LMBR1: variants seen among roughly 807,000 people sequenced by gnomAD.
LMBR1 encodes limb development membrane protein 1.
A neutral mutation model predicts 73.9 loss-of-function variants in LMBR1; 52 were observed. The observed-to-expected ratio is 0.70, with a 90% CI of 0.56 to 0.89. The LOEUF is 0.89. Among genes scored for constraint, LMBR1 ranks in the 40% least tolerant of loss-of-function variants. The pLI, the probability that LMBR1 is intolerant of heterozygous loss-of-function variation, is 0.00. For missense variants in LMBR1, 539 were observed against 579.8 expected, an observed-to-expected ratio of 0.93 and a Z score of 0.72; for synonymous variants, 215 against 209.4, an observed-to-expected ratio of 1.03 and a Z score of -0.23.
At chr7:156,810,904 G>A (rs538157692) in intron 4 of LMBR1, among the ~76,000 whole-genome samples, 6 of 149,452 alleles carry the variant, frequency 4.0e-5, no homozygotes, top group South Asian at 2.1e-4. Flanking sequence ...CACCTCTCCC[G>A]GGTTCAAGCG....
chr7:156,700,264 C>A (rs1002441708), intron 15 of LMBR1, among the ~76,000 whole-genome samples: 1 of 152,060 alleles, frequency 6.6e-6, no homozygotes, highest in Non-Finnish European at 1.5e-5. Context: ...AAACTGGAAA[C>A]CATCATTCTC....
At chr7:156,724,239 A>G (rs1311086080) in intron 14 of LMBR1, 61 bp from the exon 15 acceptor site, 12 of 1,266,146 alleles carry the variant, frequency 9.5e-6, no homozygotes, top group African/African-American at 1.5e-5. Flanking sequence ...AATCAAACCC[A>G]GTAACATTCT....
intron 1 of LMBR1, among the ~76,000 whole-genome samples, chr7:156,879,375 G>A (rs1800694409): frequency 1.3e-5 from 2 of 152,068 alleles, no homozygotes; most frequent in Admixed American, 6.5e-5. Flanking sequence ...TCAAAAAGTG[G>A]GCTAACTGGC....
chr7:156,877,429 G>GA (rs1800342833), intron 1 of LMBR1, among the ~76,000 whole-genome samples: 1 of 152,186 alleles, frequency 6.6e-6, no homozygotes, highest in South Asian at 2.1e-4. Context: ...ACCAAACCAG[G>GA]AAAGGACATG....
intron 1 of LMBR1, among the ~76,000 whole-genome samples, chr7:156,859,658 A>T (rs944844925): frequency 1.3e-5 from 2 of 152,210 alleles, no homozygotes; most frequent in African/African-American, 4.8e-5. Flanking sequence ...AAAAATATCT[A>T]AATTAATGGA....
chr7:156,726,670 G>T (rs1815825429), intron 12 of LMBR1, among the ~76,000 whole-genome samples: 1 of 152,060 alleles, frequency 6.6e-6, no homozygotes, highest in African/African-American at 2.4e-5. Flanking sequence ...TTTTGAAGAA[G>T]AAATAAATGA....
intron 15 of LMBR1, among the ~76,000 whole-genome samples, chr7:156,697,901 G>C (rs1294413952): frequency 2.0e-5 from 3 of 152,152 alleles, no homozygotes; most frequent in Admixed American, 6.5e-5. Flanking sequence ...AATTATAAAA[G>C]TATTATTTGG....
chr7:156,834,326 C>G (rs1370643519), intron 2 of LMBR1, among the ~76,000 whole-genome samples: 1 of 152,050 alleles, frequency 6.6e-6, no homozygotes, highest in Admixed American at 6.5e-5. Flanking sequence ...ATTGGCTGGG[C>G]GCAATGGCTC....
chr7:156,675,173 G>A (rs528949652), downstream of LMBR1, among the ~76,000 whole-genome samples: 4 of 152,366 alleles, frequency 2.6e-5, no homozygotes, highest in Admixed American at 6.5e-5. Flanking sequence ...AGACAGTAAC[G>A]CCTGAGCGCT....
At chr7:156,724,830 T>C (rs1815372839) in intron 14 of LMBR1, among the ~76,000 whole-genome samples, 1 of 150,944 alleles carries the variant, frequency 6.6e-6, no homozygotes, top group African/African-American at 2.4e-5. Flanking sequence ...CCCCTTTAAG[T>C]AGGCTAAAAA....
rs1433841037 is a variant in LMBR1 at position 156,688,099 on chromosome 7, T to C, written c.1318A>G (p.Ile440Val). The change falls in exon 16 of 17, where the codon ATT (isoleucine) becomes GTT (valine). Residue 440 changes from isoleucine (I) to valine (V), a missense_variant. By Grantham distance (29) the Ile-to-Val change is conservative. This residue lies in a region of LMBR1 where 69 missense variants were observed against 68.5 expected (regional missense o/e 1.01). Transcript: ENST00000353442. ...IVLSYNLLFA[I>V]VTTLCLVRKF... Reference sequence around the variant, plus strand: ...CGGACCAGACACAATGTTGTCACAATAGCAAAAAGCAAATTGTAGGATAAT... The same window carrying C: ...CGGACCAGACACAATGTTGTCACAACAGCAAAAAGCAAATTGTAGGATAAT... The C allele has an allele frequency of 1.2e-6, 2 of 1,613,230 alleles. No homozygotes were observed. Among genetic ancestry groups the C allele is most frequent in the East Asian group, 2.2e-5 (1 of 44,822 alleles).
Position 156,681,063 on chromosome 7 carries a change from G to A in LMBR1, c.*3015C>T, listed in dbSNP as rs551554306. On this transcript the variant is annotated 3_prime_UTR_variant, in exon 17 of 17. Transcript: ENST00000353442. ...CCAGTTTTTTCAAGTTTAAAAAGTC[G>A]GTGCTGCATCTATGTTCACATTAAA... 3.1e-5 allele frequency: 12 copies of A among 388,976 alleles called. No homozygotes were observed. The East Asian group carries it at 4.3e-4, about 14-fold the overall frequency. The allele number at this position is 388,976 out of a possible 1,614,324, so 24.1% of individuals were successfully genotyped here.
At chr7:156,771,256 C>T (rs191147071) in intron 5 of LMBR1, among the ~76,000 whole-genome samples, 9 of 151,620 alleles carry the variant, frequency 5.9e-5, no homozygotes, top group South Asian at 2.1e-4. Context: ...AATAGAGACA[C>T]GAAAAACCAT....
At chr7:156,797,094 G>A (rs970150158) in intron 4 of LMBR1, among the ~76,000 whole-genome samples, 2 of 152,166 alleles carry the variant, frequency 1.3e-5, no homozygotes, top group African/African-American at 4.8e-5. Context: ...AAGTGGCAGA[G>A]CTGACTTAAT....
chr7:156,881,857 C>T (rs1340070441), intron 1 of LMBR1, among the ~76,000 whole-genome samples: 2 of 150,956 alleles, frequency 1.3e-5, no homozygotes, highest in Non-Finnish European at 2.9e-5. Flanking sequence ...GAAGAGAAAT[C>T]GGAACCCTTG....
intron 9 of LMBR1, among the ~76,000 whole-genome samples, chr7:156,744,493 A>AT (rs1044082300): frequency 6.6e-6 from 1 of 151,738 alleles, no homozygotes; most frequent in Admixed American, 6.6e-5. Flanking sequence ...ATTTTCTTCT[A>AT]TTTTTTATTT....
At chr7:156,851,045 T>A (rs1796169459) in intron 1 of LMBR1, among the ~76,000 whole-genome samples, 1 of 152,162 alleles carries the variant, frequency 6.6e-6, no homozygotes, top group African/African-American at 2.4e-5. Flanking sequence ...ACCCGCCACT[T>A]CACCTTCTGT....
intron 5 of LMBR1, among the ~76,000 whole-genome samples, chr7:156,789,686 C>A (rs1349591118): frequency 6.6e-6 from 1 of 152,148 alleles, no homozygotes; most frequent in Non-Finnish European, 1.5e-5. Flanking sequence ...CAACCCCTAG[C>A]CTCTCTGGTG....
intron 15 of LMBR1, 131 bp downstream of exon 15, chr7:156,723,981 A>C (rs915786886): frequency 3.1e-6 from 2 of 636,878 alleles, no homozygotes; most frequent in African/African-American, 3.7e-5. Flanking sequence ...ATAGAAGTAA[A>C]AGTGTAAAAT....
Sources: allele counts gnomAD v4.1 joint callset (sites outside exome capture counted in the v4.1 genomes callset), GRCh38; gene constraint gnomAD v4.1.1; regional missense constraint gnomAD v4.1.1; transcripts MANE v1.5; gene names NCBI Gene and HGNC (gene_info 2026-07-23, HGNC 2026-07-21).